The following GLIS3 variants were observed in gnomAD, a reference collection of about 807,000 sequenced individuals.
The protein encoded by GLIS3 is zinc finger protein GLIS3.
In GLIS3, 53 loss-of-function variants were observed where a neutral mutation model predicts 78.6. That is an observed-to-expected ratio of 0.67 (90% CI 0.54 to 0.85). GLIS3 has a LOEUF of 0.85. GLIS3 is among the 40% of genes least tolerant of loss of function. The pLI, the probability that GLIS3 is intolerant of heterozygous loss-of-function variation, is 0.00. For synonymous variants in GLIS3, 684 were observed against 509.9 expected (o/e 1.34, Z -4.60); for missense variants, 1,703 against 1,231.1 (o/e 1.38, Z -5.74).
Position 3,992,728 on chromosome 9 carries a change from T to C in GLIS3, c.1711-55539A>G, listed in dbSNP as rs911228437. 2.6e-5 allele frequency among the ~76,000 whole-genome samples: 4 copies of C among 152,240 alleles called. No individual in the cohort carries two copies. In the East Asian group the frequency reaches 7.7e-4, roughly 29 times the overall value. On this transcript the variant is annotated intron_variant, in intron 4 of 10. Coordinates refer to ENST00000381971, the MANE Select transcript of GLIS3 (RefSeq NM_001042413.2). ...AAAATTAACAGTGTCTTCACTACCTTTGTAAAGGTATCCCTCTCTCAGTAC... is the reference window on the plus strand; with the variant it reads ...AAAATTAACAGTGTCTTCACTACCTCTGTAAAGGTATCCCTCTCTCAGTAC...
At chr9:4,334,593 T>C (rs1817727041) in intron 2 of GLIS3, among the ~76,000 whole-genome samples, 1 of 152,226 alleles carries the variant, frequency 6.6e-6, no homozygotes, top group African/African-American at 2.4e-5. Context: ...TGGCAACAGG[T>C]TACCTAGGTG....
At chr9:4,127,506 C>T (rs1236598021) in intron 2 of GLIS3, among the ~76,000 whole-genome samples, 2 of 152,098 alleles carry the variant, frequency 1.3e-5, no homozygotes, top group Admixed American at 6.6e-5. Context: ...TCATAAAGCA[C>T]TGTATTATCC....
chr9:3,901,665 G>A (rs1823314742), intron 6 of GLIS3, among the ~76,000 whole-genome samples: 1 of 152,218 alleles, frequency 6.6e-6, no homozygotes, highest in African/African-American at 2.4e-5. Flanking sequence ...GGATATGAAA[G>A]TGGCACAGTG....
intron 4 of GLIS3, among the ~76,000 whole-genome samples, chr9:3,982,214 T>G (rs982286738): frequency 1.6e-4 from 23 of 139,904 alleles, no homozygotes; most frequent in Non-Finnish European, 2.7e-4. Context: ...TACCTCTCTG[T>G]TTTTTTTTTT....
the GLIS3 span, among the ~76,000 whole-genome samples, chr9:4,473,916 A>T: frequency 1.3e-5 from 2 of 151,990 alleles, no homozygotes; most frequent in African/African-American, 2.4e-5. Flanking sequence ...AATATTATTT[A>T]AAAAAACTAA....
chr9:4,176,888 T>G (rs143171503), intron 2 of GLIS3, among the ~76,000 whole-genome samples: 25 of 152,380 alleles, frequency 1.6e-4, no homozygotes, highest in Non-Finnish European at 3.2e-4. Flanking sequence ...CCTCCCAAAG[T>G]GTTGGGATTA....
chr9:4,030,501 A>G (rs1823741392), intron 4 of GLIS3, among the ~76,000 whole-genome samples: 1 of 152,322 alleles, frequency 6.6e-6, no homozygotes, highest in Non-Finnish European at 1.5e-5. Context: ...GTACTGCTCA[A>G]GAAATCTCTG....
At chr9:3,855,150 C>G (rs963430267) in intron 9 of GLIS3, among the ~76,000 whole-genome samples, 1 of 152,164 alleles carries the variant, frequency 6.6e-6, no homozygotes, top group East Asian at 1.9e-4. Context: ...CTTGGCAATT[C>G]AACTTTCTAT....
At chr9:4,460,448 AC>A in the GLIS3 span, among the ~76,000 whole-genome samples, 9 of 152,206 alleles carry the variant, frequency 5.9e-5, no homozygotes, top group African/African-American at 1.9e-4. Context: ...GGAAGTCCAC[AC>A]CATATGGTGC....
chr9:4,123,148 AG>A (rs1407027747), intron 3 of GLIS3, among the ~76,000 whole-genome samples: 1 of 152,238 alleles, frequency 6.6e-6, no homozygotes, highest in Non-Finnish European at 1.5e-5. Context: ...GAAACTTCAT[AG>A]ATTTATTTAT....
chr9:3,953,603 C>T (rs1048497559), intron 4 of GLIS3, among the ~76,000 whole-genome samples: 23 of 152,068 alleles, frequency 1.5e-4, no homozygotes, highest in African/African-American at 4.8e-4. Flanking sequence ...CAAATGGTTT[C>T]GCCTCATACC....
At chr9:3,895,664 A>G (rs1822777767) in intron 7 of GLIS3, among the ~76,000 whole-genome samples, 1 of 152,220 alleles carries the variant, frequency 6.6e-6, no homozygotes, top group Admixed American at 6.5e-5. Flanking sequence ...CTTCAGGAGA[A>G]GTGCAAGACT....
chr9:3,997,002 A>G (rs1820793529), intron 4 of GLIS3, among the ~76,000 whole-genome samples: 1 of 152,210 alleles, frequency 6.6e-6, no homozygotes, highest in Non-Finnish European at 1.5e-5. Flanking sequence ...ATAATCACTA[A>G]AACTATTGAA....
the GLIS3 span, among the ~76,000 whole-genome samples, chr9:4,395,461 A>G: frequency 6.6e-6 from 1 of 152,180 alleles, no homozygotes; most frequent in East Asian, 1.9e-4. Context: ...AGCCTGAGAT[A>G]CCTGGTGGTG....
intron 8 of GLIS3, among the ~76,000 whole-genome samples, chr9:3,876,943 C>T (rs1563803415): frequency 2.0e-5 from 3 of 151,906 alleles, no homozygotes; most frequent in Admixed American, 1.3e-4. Context: ...AAATTTCAGG[C>T]ATTTGGGGTG....
At chr9:4,065,062 A>C (rs1826979232) in intron 4 of GLIS3, among the ~76,000 whole-genome samples, 1 of 152,184 alleles carries the variant, frequency 6.6e-6, no homozygotes, top group Non-Finnish European at 1.5e-5. Context: ...ACAAAAGGCC[A>C]ATGACTTTAG....
intron 4 of GLIS3, among the ~76,000 whole-genome samples, chr9:3,945,293 T>C (rs1304954632): frequency 6.6e-6 from 1 of 152,224 alleles, no homozygotes; most frequent in Non-Finnish European, 1.5e-5. Flanking sequence ...CTATGAAATA[T>C]AAAGCGTACA....
chr9:4,421,819 A>G, the GLIS3 span, among the ~76,000 whole-genome samples: 4 of 152,228 alleles, frequency 2.6e-5, no homozygotes, highest in African/African-American at 9.6e-5. Flanking sequence ...AACATAAGTG[A>G]TATATTCTAC....
chr9:3,983,477 T>C (rs758611127), intron 4 of GLIS3, among the ~76,000 whole-genome samples: 7 of 152,008 alleles, frequency 4.6e-5, no homozygotes, highest in South Asian at 2.1e-4. Flanking sequence ...CAGGCAGGGA[T>C]TGGAACAGTT....
Sources: allele counts gnomAD v4.1 joint callset (sites outside exome capture counted in the v4.1 genomes callset), GRCh38; gene constraint gnomAD v4.1.1; transcripts MANE v1.5; gene names NCBI Gene and HGNC (gene_info 2026-07-23, HGNC 2026-07-21).